Variants in FHIT observed in about 807,000 individuals in gnomAD.
FHIT encodes bis(5'-adenosyl)-triphosphatase.
Under a neutral mutation model 17.9 loss-of-function variants are expected in FHIT, and 19 were observed. The observed-to-expected ratio is 1.06, with a 90% CI of 0.74 to 1.56. The LOEUF is 1.56. FHIT is among the 40% of genes most tolerant of loss of function. The pLI is 0.00. For missense variants in FHIT, 248 were observed against 189.2 expected, an observed-to-expected ratio of 1.31 and a Z score of -1.82; for synonymous variants, 81 against 69.7, an observed-to-expected ratio of 1.16 and a Z score of -0.81.
intron 4 of FHIT, among the ~76,000 whole-genome samples, chr3:60,752,883 T>C (rs571186656): frequency 6.6e-6 from 1 of 152,206 alleles, no homozygotes; most frequent in Non-Finnish European, 1.5e-5. Flanking sequence ...AACTGTATTA[T>C]GTCACTTTAG....
chr3:60,508,040 A>G (rs571047119), intron 5 of FHIT, among the ~76,000 whole-genome samples: 58 of 152,292 alleles, frequency 3.8e-4, no homozygotes, highest in African/African-American at 1.3e-3. Flanking sequence ...GGGATAAAGT[A>G]AGGAGTTCTT....
chr3:60,627,162 T>C (rs138201540), intron 4 of FHIT, among the ~76,000 whole-genome samples: 1 of 152,296 alleles, frequency 6.6e-6, no homozygotes, highest in East Asian at 1.9e-4. Flanking sequence ...GTGATGTCTG[T>C]CTGTTTTGGT....
intron 2 of FHIT, among the ~76,000 whole-genome samples, chr3:61,115,957 G>C (rs891564585): frequency 4.6e-5 from 7 of 152,168 alleles, no homozygotes; most frequent in Non-Finnish European, 4.4e-5. Context: ...AGTCACCTTA[G>C]AATTTTATTA....
intron 5 of FHIT, among the ~76,000 whole-genome samples, chr3:60,524,197 G>GACAC (rs56975783): frequency 5.4e-4 from 78 of 144,988 alleles, no homozygotes; most frequent in African/African-American, 1.9e-3. Flanking sequence ...GTCAGCCTGA[G>GACAC]ACACACACAC....
intron 5 of FHIT, among the ~76,000 whole-genome samples, chr3:60,320,042 T>C (rs765050886): frequency 3.9e-5 from 6 of 152,134 alleles, no homozygotes; most frequent in African/African-American, 7.2e-5. Flanking sequence ...TATATCTTAA[T>C]TTCTCCCACA....
At chr3:60,420,102 G>A (rs1288081318) in intron 5 of FHIT, among the ~76,000 whole-genome samples, 1 of 152,054 alleles carries the variant, frequency 6.6e-6, no homozygotes, top group Admixed American at 6.6e-5. Flanking sequence ...CACTCAAAAT[G>A]TTAAGTCTGA....
At chr3:61,039,390 T>C (rs1047955934) in intron 3 of FHIT, among the ~76,000 whole-genome samples, 7 of 152,232 alleles carry the variant, frequency 4.6e-5, no homozygotes, top group Non-Finnish European at 8.8e-5. Context: ...AGTCTTACAA[T>C]TCTTACCAAT....
intron 8 of FHIT, among the ~76,000 whole-genome samples, chr3:59,849,132 A>G (rs1175658946): frequency 6.6e-6 from 1 of 152,176 alleles, no homozygotes; most frequent in Non-Finnish European, 1.5e-5. Context: ...GCACTTTGGG[A>G]GGCCAAGGCA....
intron 5 of FHIT, among the ~76,000 whole-genome samples, chr3:60,425,448 TG>T (rs778865369): frequency 1.3e-4 from 20 of 152,144 alleles, no homozygotes; most frequent in Non-Finnish European, 2.2e-4. Context: ...AATCATTACC[TG>T]GATGGTGAAG....
At chr3:60,328,984 A>T (rs1559824719) in intron 5 of FHIT, among the ~76,000 whole-genome samples, 1 of 152,240 alleles carries the variant, frequency 6.6e-6, no homozygotes, top group Non-Finnish European at 1.5e-5. Context: ...TCCATCCATT[A>T]TCTGCTCAAA....
chr3:60,347,063 T>C (rs1252009656), intron 5 of FHIT, among the ~76,000 whole-genome samples: 1 of 12,306 alleles, frequency 8.1e-5, no homozygotes, highest in Non-Finnish European at 1.5e-4. Flanking sequence ...TTTTATGATA[T>C]TCTTGAATTT....
chr3:60,982,865 T>A lies in FHIT; in HGVS notation c.-111+59182A>T, dbSNP rs543213243. Among the ~76,000 whole-genome samples, 5 of 152,332 alleles carry A rather than the reference T, an allele frequency of 3.3e-5. No homozygotes were observed. The East Asian group carries it at 9.7e-4, about 29-fold the overall frequency. On this transcript the variant is annotated intron_variant, in intron 3 of 9. Transcript: ENST00000492590. ...AGAGCTTCCATCACTATTTAAATTTTTACAGTGAGGAAGTGGATGAATCTT... is the reference window on the plus strand; with the variant it reads ...AGAGCTTCCATCACTATTTAAATTTATACAGTGAGGAAGTGGATGAATCTT...
intron 8 of FHIT, among the ~76,000 whole-genome samples, chr3:59,867,434 C>G (rs942380909): frequency 1.3e-5 from 2 of 152,050 alleles, no homozygotes; most frequent in South Asian, 2.1e-4. Flanking sequence ...AATCTCAAGA[C>G]AGAAATTGCT....
In FHIT at chr3:60,040,236, C is replaced by G. The variant is rs768971039; in HGVS notation, c.104-26084G>C. ...TCTCGGCTCACTGCAACCTCCGCCTCCCAGGCTCAAGCAATTCTCCTGCTT... is the reference window on the plus strand; with the variant it reads ...TCTCGGCTCACTGCAACCTCCGCCTGCCAGGCTCAAGCAATTCTCCTGCTT... On this transcript the variant is annotated intron_variant, in intron 5 of 9. Coordinates refer to ENST00000492590, the MANE Select transcript of FHIT (RefSeq NM_002012.4). 1.1e-3 allele frequency among the ~76,000 whole-genome samples: 171 copies of G among 152,160 alleles called. 1 individual carries two copies. Among genetic ancestry groups the G allele is most frequent in the Non-Finnish European group, 1.8e-3 (124 of 68,004 alleles).
intron 5 of FHIT, among the ~76,000 whole-genome samples, chr3:60,308,055 A>G (rs1337358921): frequency 1.3e-5 from 2 of 152,134 alleles, no homozygotes; most frequent in Non-Finnish European, 2.9e-5. Flanking sequence ...AGATAAGAGG[A>G]AAACAACGGA....
At chr3:60,786,764 C>T (rs540628213) in intron 4 of FHIT, among the ~76,000 whole-genome samples, 88 of 152,134 alleles carry the variant, frequency 5.8e-4, no homozygotes, top group African/African-American at 2.1e-3. Context: ...TGCACAGGGC[C>T]TGTCACAAAG....
chr3:60,745,814 A>G (rs2042344739), intron 4 of FHIT, among the ~76,000 whole-genome samples: 1 of 152,190 alleles, frequency 6.6e-6, no homozygotes, highest in Non-Finnish European at 1.5e-5. Context: ...GAGTAAAAAC[A>G]TTTAGAAAGA....
At chr3:60,298,685 C>T (rs1708317524) in intron 5 of FHIT, among the ~76,000 whole-genome samples, 1 of 152,138 alleles carries the variant, frequency 6.6e-6, no homozygotes, top group African/African-American at 2.4e-5. Context: ...TATTAAATTT[C>T]ACCACATGCT....
At chr3:59,881,273 C>T (rs187705821) in intron 8 of FHIT, among the ~76,000 whole-genome samples, 7 of 152,220 alleles carry the variant, frequency 4.6e-5, no homozygotes, top group Admixed American at 4.6e-4. Flanking sequence ...AAGCTGATAA[C>T]CATATGTATG....
Sources: allele counts gnomAD v4.1 joint callset (sites outside exome capture counted in the v4.1 genomes callset), GRCh38; gene constraint gnomAD v4.1.1; transcripts MANE v1.5; gene names NCBI Gene and HGNC (gene_info 2026-07-23, HGNC 2026-07-21).